The following WNK1 variants were observed in gnomAD, a reference collection of about 807,000 sequenced individuals.
The protein encoded by WNK1 is serine/threonine-protein kinase WNK1.
A neutral mutation model predicts 222.8 loss-of-function variants in WNK1; 38 were observed. That is an observed-to-expected ratio of 0.17 (90% confidence interval 0.13 to 0.22). The LOEUF (loss-of-function observed/expected upper bound fraction) is 0.22. WNK1 is among the 10% of genes least tolerant of loss of function. The pLI is 1.00. For missense variants in WNK1, 2,348 were observed against 2,918.4 expected, an observed-to-expected ratio of 0.80 and a Z score of 4.50; for synonymous variants, 1,090 against 1,092.9, an observed-to-expected ratio of 1.00 and a Z score of 0.05.
intron 9 of WNK1, among the ~76,000 whole-genome samples, chr12:875,861 C>T (rs938046879): frequency 6.6e-6 from 1 of 152,152 alleles, no homozygotes; most frequent in Admixed American, 6.5e-5. Context: ...ATCTTATTTA[C>T]GTGTGTAAAT....
At chr12:879,512 G>GCTTTTTTTTTTTTTTTTTTTTTTTT in intron 10 of WNK1, 61 bp from the exon 11 acceptor site, 1 of 735,662 alleles carries the variant, frequency 1.4e-6, no homozygotes, top group Admixed American at 4.1e-5. Flanking sequence ...TGGCAGCCTT[G>GCTTTTTTTTTTTTTTTTTTTTTTTT]CTTTTTTTTT....
At chr12:795,448 G>C (rs1415750315) in intron 1 of WNK1, among the ~76,000 whole-genome samples, 2 of 151,734 alleles carry the variant, frequency 1.3e-5, no homozygotes, top group Non-Finnish European at 2.9e-5. Context: ...CCTCCATACT[G>C]TTCTCATGAT....
At chr12:868,342 A>G (rs150973260) in intron 8 of WNK1, 1 of 1,613,628 alleles carries the variant, frequency 6.2e-7, no homozygotes, top group East Asian at 2.2e-5. Flanking sequence ...CATACAACTC[A>G]TCAGTACTGT....
intron 1 of WNK1, among the ~76,000 whole-genome samples, chr12:798,249 T>G (rs1301971880): frequency 6.6e-6 from 1 of 151,766 alleles, no homozygotes; most frequent in Non-Finnish European, 1.5e-5. Flanking sequence ...TGGAGTGCAG[T>G]GGCCCGATCT....
At chr12:894,417 A>T (rs1057127721) in intron 22 of WNK1, 145 bp from the exon 23 acceptor site, 10 of 713,710 alleles carry the variant, frequency 1.4e-5, no homozygotes, top group Non-Finnish European at 2.6e-5. Context: ...ACAGAGCCTC[A>T]TGGAGGGAGG....
chr12:904,198 A>T (rs1465628156), intron 26 of WNK1, among the ~76,000 whole-genome samples: 1 of 152,214 alleles, frequency 6.6e-6, no homozygotes, highest in Non-Finnish European at 1.5e-5. Flanking sequence ...TTACTCTTTT[A>T]GATACAAAGA....
intron 2 of WNK1, among the ~76,000 whole-genome samples, chr12:816,447 AT>A (rs11454038): frequency 6.6e-4 from 96 of 145,350 alleles, no homozygotes; most frequent in African/African-American, 9.1e-4. Flanking sequence ...TAAAAAAACA[AT>A]TTTTTTTTTT....
At chr12:906,336 G>A (rs7968631) in intron 26 of WNK1, 140,191 of 985,042 alleles carry the variant, frequency 0.14, 10,519 homozygotes, top group Middle Eastern at 0.23. Context: ...CAGCAGAGCC[G>A]AAATCAGGCA....
intron 1 of WNK1, among the ~76,000 whole-genome samples, chr12:795,230 T>C (rs2153984994): frequency 6.6e-6 from 1 of 152,254 alleles, no homozygotes; most frequent in Non-Finnish European, 1.5e-5. Context: ...CTTTTCATTG[T>C]GGAAAGTTTG....
chr12:846,958 T>C (rs780665228), intron 4 of WNK1, among the ~76,000 whole-genome samples: 3 of 152,186 alleles, frequency 2.0e-5, no homozygotes, highest in Non-Finnish European at 4.4e-5. Flanking sequence ...TTAATAAATT[T>C]TGTTTCTATG....
chr12:780,963 G>A (rs1943633317), intron 1 of WNK1, among the ~76,000 whole-genome samples: 1 of 152,194 alleles, frequency 6.6e-6, no homozygotes, highest in Non-Finnish European at 1.5e-5. Flanking sequence ...CTACTTTGCA[G>A]TGGCTATCAA....
chr12:833,600 G>A (rs540362572), intron 4 of WNK1, among the ~76,000 whole-genome samples: 1 of 152,268 alleles, frequency 6.6e-6, no homozygotes, highest in African/African-American at 2.4e-5. Flanking sequence ...TGGTTTCACT[G>A]TATAATGATC....
intron 22 of WNK1, among the ~76,000 whole-genome samples, chr12:891,610 T>TC (rs916836066): frequency 9.9e-5 from 15 of 151,160 alleles, no homozygotes; most frequent in African/African-American, 3.6e-4. Context: ...TTCTTTTTTT[T>TC]TTTTTTTTTA....
chr12:909,057 T>C lies in WNK1; in HGVS notation c.*265T>C, dbSNP rs1955925786. 2.0e-6 allele frequency: 1 copy of C among 490,656 alleles called. No homozygotes were observed. The highest frequency in any genetic ancestry group is 3.7e-6 in the Non-Finnish European group (1 of 268,500). The allele number at this position is 490,656 out of a possible 1,614,324, so 30.4% of individuals were successfully genotyped here. ...ACCATGCTTTCCTGTTTATCTATAC[T>C]CAGTAATGAGGATGAGGGCTAGGAA... On this transcript the variant is annotated 3_prime_UTR_variant, in exon 28 of 28. Transcript: ENST00000315939.
rs149735895 is a variant in WNK1, at chr12:859,443, A to T, written c.1599A>T (p.Pro533=). 57 of 1,611,778 alleles carry T rather than the reference A, an allele frequency of 3.5e-5. No individual in the cohort carries two copies. The highest frequency in any genetic ancestry group is 4.7e-5 in the Non-Finnish European group (55 of 1,178,870). Residue 533 remains proline, a synonymous_variant, in exon 6 of 28, where the codon CCA becomes CCT. Coordinates refer to ENST00000315939, the MANE Select transcript of WNK1 (RefSeq NM_018979.4). The stretch of plus-strand genomic sequence containing the variant: ...CTTTTGATTTAGAGAGAGATGTCCC[A>T]GAAGATGTTGCACAAGAAATGGTAA... The part of the protein sequence containing the change: ...EFSFDLERDV[P]EDVAQEMVES...
In WNK1 at chr12:831,684, A is replaced by G. The variant is rs1356909793; in HGVS notation, c.1311+1524A>G. Among the ~76,000 whole-genome samples the G allele has an allele frequency of 2.0e-5, 3 of 152,218 alleles. No homozygotes were observed. In the East Asian group the frequency reaches 5.8e-4, roughly 29 times the overall value. On this transcript the variant is annotated intron_variant, in intron 4 of 27. Transcript: ENST00000315939. The stretch of plus-strand genomic sequence containing the variant: ...AATTTTAAATATATATTTGTAACAT[A>G]ATGAGTTATAATTTTTAATGAATTA...
intron 1 of WNK1, among the ~76,000 whole-genome samples, chr12:789,015 G>T (rs1406903635): frequency 6.6e-6 from 1 of 152,174 alleles, no homozygotes; most frequent in Non-Finnish European, 1.5e-5. Flanking sequence ...AAATGTGAAG[G>T]CCACATGCTT....
chr12:775,723 T>A (rs7295704), intron 1 of WNK1, among the ~76,000 whole-genome samples: 118,744 of 152,046 alleles, frequency 0.78, 46,492 homozygotes, highest in East Asian at 0.87. Flanking sequence ...TGTTCTCAAA[T>A]TGGTGAGAAA....
intron 4 of WNK1, among the ~76,000 whole-genome samples, 188 bp downstream of exon 4, chr12:830,348 A>AAAGAACCACTAGTTT (rs1356584785): frequency 6.6e-6 from 1 of 152,200 alleles, no homozygotes; most frequent in African/African-American, 2.4e-5. Flanking sequence ...GATAAAGATC[A>AAAGAACCACTAGTTT]AAGAACCACT....
Sources: gnomAD v4.1 joint callset for allele counts (sites outside exome capture counted in the v4.1 genomes callset) on GRCh38, gnomAD v4.1.1 for gene constraint, MANE v1.5 for transcripts, NCBI Gene and HGNC (gene_info 2026-07-23, HGNC 2026-07-21) for gene names.